CSMD1: variants seen among roughly 807,000 people sequenced by gnomAD.
CSMD1 encodes CUB and sushi domain-containing protein 1.
A neutral mutation model predicts 417.5 loss-of-function variants in CSMD1; 213 were observed. The ratio of observed to expected loss-of-function variants is 0.51; its 90% CI spans 0.46 to 0.57. The LOEUF is 0.57. Ranked by LOEUF, CSMD1 falls within the 20% of genes least tolerant of loss-of-function variation. The probability of loss-of-function intolerance (pLI) is 0.00; values close to 1 mark genes in which losing one functional copy is unlikely to be tolerated. For missense variants in CSMD1, 6,923 were observed against 4,529.7 expected, an observed-to-expected ratio of 1.53 and a Z score of -15.17; for synonymous variants, 2,862 against 1,736.8, an observed-to-expected ratio of 1.65 and a Z score of -16.11.
intron 3 of CSMD1, among the ~76,000 whole-genome samples, chr8:4,040,212 A>G (rs2130628519): frequency 6.6e-6 from 1 of 152,324 alleles, no homozygotes; most frequent in African/African-American, 2.4e-5. Context: ...GTAGTTTTTC[A>G]TTTAGCAATA....
chr8:4,536,464 G>T (rs774644979), intron 2 of CSMD1, among the ~76,000 whole-genome samples: 7 of 152,040 alleles, frequency 4.6e-5, no homozygotes, highest in Non-Finnish European at 8.8e-5. Context: ...CAGCCTAGGT[G>T]CATCCTTCTT....
intron 1 of CSMD1, among the ~76,000 whole-genome samples, chr8:4,704,591 C>A (rs769519163): frequency 2.0e-5 from 3 of 152,188 alleles, no homozygotes; most frequent in African/African-American, 4.8e-5. Context: ...ATAACCACAT[C>A]GATCAACTCT....
chr8:3,941,073 T>A lies in CSMD1; in HGVS notation c.818+56830A>T, dbSNP rs1378472706. Reference sequence around the variant, plus strand: ...TATAATCAAATTGGGGTAATTATAATATCCATCACCTTAAAATTTATCATT... The same window carrying A: ...TATAATCAAATTGGGGTAATTATAAAATCCATCACCTTAAAATTTATCATT... On this transcript the variant is annotated intron_variant, in intron 5 of 69. Coordinates refer to ENST00000635120, the MANE Select transcript of CSMD1 (RefSeq NM_033225.6). Among the ~76,000 whole-genome samples, 5 of 152,068 alleles carry A rather than the reference T, an allele frequency of 3.3e-5. No individual in the cohort carries two copies. In the South Asian group the frequency reaches 1.0e-3, roughly 32 times the overall value.
At chr8:3,893,629 G>C (rs1346781440) in intron 5 of CSMD1, among the ~76,000 whole-genome samples, 4 of 151,774 alleles carry the variant, frequency 2.6e-5, no homozygotes, top group Admixed American at 2.0e-4. Context: ...ACTGTGCATG[G>C]TGTCTTGCTC....
intron 17 of CSMD1, among the ~76,000 whole-genome samples, chr8:3,388,387 G>A (rs1231224180): frequency 6.6e-6 from 1 of 151,806 alleles, no homozygotes; most frequent in African/African-American, 2.4e-5. Flanking sequence ...TATATTTTAA[G>A]AGCTAAGGAA....
At chr8:3,959,716 G>T (rs1011472894) in intron 5 of CSMD1, among the ~76,000 whole-genome samples, 1 of 152,134 alleles carries the variant, frequency 6.6e-6, no homozygotes, top group Non-Finnish European at 1.5e-5. Flanking sequence ...CCTGAACACA[G>T]AATGTTTTGA....
intron 8 of CSMD1, among the ~76,000 whole-genome samples, chr8:3,587,953 A>G (rs955494506): frequency 7.9e-5 from 12 of 151,986 alleles, no homozygotes; most frequent in Non-Finnish European, 1.6e-4. Context: ...AAAAAACAAA[A>G]CCCAGTCGTG....
rs1799934672 is a variant in CSMD1, at chr8:4,078,227, C to A, written c.416-46128G>T. On this transcript the variant is annotated intron_variant, in intron 3 of 69. Transcript: ENST00000635120. ...TACATCATTTTTTTCTTTTAATTTT[C>A]TTACACATATAAACGTATTACGTAA... Among the ~76,000 whole-genome samples, 11 of 151,658 alleles carry A rather than the reference C, an allele frequency of 7.3e-5. No individual in the cohort carries two copies. The South Asian group carries it at 2.1e-3, about 29-fold the overall frequency.
intron 6 of CSMD1, among the ~76,000 whole-genome samples, chr8:3,715,727 G>C (rs1354709796): frequency 2.0e-5 from 3 of 152,116 alleles, no homozygotes; most frequent in Admixed American, 6.5e-5. Context: ...ATTTTTAGTA[G>C]AGACACGGTT....
chr8:4,146,263 G>C (rs368712526), intron 3 of CSMD1, among the ~76,000 whole-genome samples: 4 of 151,014 alleles, frequency 2.6e-5, no homozygotes, highest in Non-Finnish European at 4.4e-5. Flanking sequence ...TCCACTCGAG[G>C]CAGTAATTCG....
intron 52 of CSMD1, among the ~76,000 whole-genome samples, chr8:3,012,279 A>C (rs1003868469): frequency 3.9e-5 from 6 of 152,234 alleles, no homozygotes; most frequent in Admixed American, 2.6e-4. Flanking sequence ...TGAGTTCTTG[A>C]ATATTAGGTG....
At chr8:3,927,897 A>C (rs2129147856) in intron 5 of CSMD1, among the ~76,000 whole-genome samples, 1 of 152,302 alleles carries the variant, frequency 6.6e-6, no homozygotes, top group Non-Finnish European at 1.5e-5. Flanking sequence ...GTCGAAGGTT[A>C]CCTAAAAAAT....
At chr8:4,799,079 G>T (rs568492018) in intron 1 of CSMD1, among the ~76,000 whole-genome samples, 2 of 152,302 alleles carry the variant, frequency 1.3e-5, no homozygotes, top group South Asian at 2.1e-4. Context: ...TGCATTGGCC[G>T]ACCCTGCGCA....
rs139994018 is a variant in CSMD1 at position 4,301,533 on chromosome 8, G to C, written c.415+118420C>G. Among the ~76,000 whole-genome samples, 58 of 152,246 alleles carry C rather than the reference G, an allele frequency of 3.8e-4. No homozygotes were observed. In the East Asian group the frequency reaches 0.011, roughly 28 times the overall value. On this transcript the variant is annotated intron_variant, in intron 3 of 69. Transcript: ENST00000635120. ...CTCTACTCTTGTTTGAAGCTGATCTGGGTGCAATGTTTTGGAATTCACCAA... is the reference window on the plus strand; with the variant it reads ...CTCTACTCTTGTTTGAAGCTGATCTCGGTGCAATGTTTTGGAATTCACCAA...
chr8:4,699,821 C>G (rs1210217712), intron 1 of CSMD1, among the ~76,000 whole-genome samples: 1 of 152,116 alleles, frequency 6.6e-6, no homozygotes, highest in Admixed American at 6.6e-5. Flanking sequence ...ACAGGTCTTG[C>G]CGATGCAGAG....
intron 3 of CSMD1, among the ~76,000 whole-genome samples, chr8:4,312,576 C>G (rs1035505403): frequency 6.6e-6 from 1 of 151,402 alleles, no homozygotes; most frequent in Non-Finnish European, 1.5e-5. Context: ...TTATGAGCAA[C>G]AGATGTATTA....
intron 4 of CSMD1, among the ~76,000 whole-genome samples, chr8:4,009,677 G>T (rs970079195): frequency 6.6e-6 from 1 of 152,148 alleles, no homozygotes; most frequent in Non-Finnish European, 1.5e-5. Flanking sequence ...AATACTGGGA[G>T]ATATTATTGA....
intron 1 of CSMD1, among the ~76,000 whole-genome samples, chr8:4,878,258 G>A (rs1393609026): frequency 6.6e-6 from 1 of 152,044 alleles, no homozygotes; most frequent in African/African-American, 2.4e-5. Flanking sequence ...AAGGAAAAAA[G>A]TAAATTAATG....
At chr8:4,715,218 G>C (rs955088517) in intron 1 of CSMD1, among the ~76,000 whole-genome samples, 4 of 152,158 alleles carry the variant, frequency 2.6e-5, no homozygotes, top group Admixed American at 6.5e-5. Flanking sequence ...GAATGTCTGA[G>C]TGTTTTTATG....
Sources: gnomAD v4.1 joint callset for allele counts (sites outside exome capture counted in the v4.1 genomes callset) on GRCh38, gnomAD v4.1.1 for gene constraint, MANE v1.5 for transcripts, NCBI Gene and HGNC (gene_info 2026-07-23, HGNC 2026-07-21) for gene names.